Variants in ETV6 observed in about 807,000 individuals in gnomAD.
ETV6 encodes the protein ETS variant transcription factor 6, also known as transcription factor ETV6.
Under a neutral mutation model 51.1 loss-of-function variants are expected in ETV6, and 16 were observed. That is an observed-to-expected ratio of 0.31 (90% confidence interval 0.21 to 0.48). ETV6 has a LOEUF of 0.48. Among genes scored for constraint, ETV6 ranks in the 20% least tolerant of loss-of-function variants. ETV6 has a pLI of 0.99. For synonymous variants in ETV6, 240 were observed against 224.1 expected, an observed-to-expected ratio of 1.07 and a Z score of -0.64; for missense variants, 458 against 594.8, an observed-to-expected ratio of 0.77 and a Z score of 2.39.
chr12:11,831,223 G>A (rs1385785108), intron 2 of ETV6, among the ~76,000 whole-genome samples: 1 of 152,134 alleles, frequency 6.6e-6, no homozygotes, highest in Non-Finnish European at 1.5e-5. Context: ...GTGTGTGTCT[G>A]TGTGTGTGTT....
intron 4 of ETV6, among the ~76,000 whole-genome samples, chr12:11,866,112 C>G (rs1407875911): frequency 2.0e-5 from 3 of 152,064 alleles, no homozygotes; most frequent in African/African-American, 7.2e-5. Flanking sequence ...CCTTTCTTCT[C>G]TCATCTCCGT....
intron 5 of ETV6, among the ~76,000 whole-genome samples, chr12:11,874,676 GTATATA>G: frequency 3.2e-4 from 1 of 3,100 alleles, no homozygotes; most frequent in Admixed American, 0.011. Flanking sequence ...ATATATGTGT[GTATATA>G]TGTATATGTG....
intron 2 of ETV6, among the ~76,000 whole-genome samples, chr12:11,773,699 G>A (rs996599862): frequency 6.6e-6 from 1 of 152,174 alleles, no homozygotes; most frequent in Non-Finnish European, 1.5e-5. Context: ...GGAAAATGAA[G>A]GCAGTTGAGG....
chr12:11,812,064 C>G (rs1389709526), intron 2 of ETV6, among the ~76,000 whole-genome samples: 1 of 152,188 alleles, frequency 6.6e-6, no homozygotes, highest in Non-Finnish European at 1.5e-5. Context: ...TGGTTTTAGT[C>G]TACCTAAAAT....
intron 4 of ETV6, among the ~76,000 whole-genome samples, chr12:11,860,224 T>C (rs1353617500): frequency 1.3e-5 from 2 of 152,320 alleles, no homozygotes; most frequent in East Asian, 3.9e-4. Context: ...TCACTGGTTG[T>C]AAACCCACTC....
chr12:11,656,764 G>A (rs567815907), intron 1 of ETV6, among the ~76,000 whole-genome samples: 3 of 152,126 alleles, frequency 2.0e-5, no homozygotes, highest in East Asian at 1.9e-4. Context: ...GCCCGGCCTC[G>A]GGCTAGACAC....
intron 1 of ETV6, among the ~76,000 whole-genome samples, chr12:11,724,108 C>G (rs1420431256): frequency 6.6e-6 from 1 of 152,086 alleles, no homozygotes; most frequent in Admixed American, 6.5e-5. Flanking sequence ...TCAAGTACTG[C>G]CCAGTTACAG....
chr12:11,663,621 C>T (rs1190547805), intron 1 of ETV6, among the ~76,000 whole-genome samples: 4 of 152,024 alleles, frequency 2.6e-5, no homozygotes, highest in African/African-American at 9.7e-5. Context: ...GGGCTATGAA[C>T]GGATTGTTAA....
At chr12:11,886,995 A>G (rs1947199350) in intron 7 of ETV6, among the ~76,000 whole-genome samples, 1 of 152,206 alleles carries the variant, frequency 6.6e-6, no homozygotes, top group African/African-American at 2.4e-5. Context: ...GTATGAACAG[A>G]TGAGCTCACT....
intron 2 of ETV6, among the ~76,000 whole-genome samples, chr12:11,785,251 C>T (rs1945469445): frequency 6.6e-6 from 1 of 152,052 alleles, no homozygotes; most frequent in Admixed American, 6.5e-5. Flanking sequence ...TTGCTGACCT[C>T]GCTCGCTGGG....
chr12:11,707,675 G>A (rs896924735), intron 1 of ETV6, among the ~76,000 whole-genome samples: 7 of 152,088 alleles, frequency 4.6e-5, no homozygotes, highest in East Asian at 1.9e-4. Context: ...GATTCTAATC[G>A]GGACCTTTCT....
intron 3 of ETV6, chr12:11,840,462 C>T (rs1416612808): frequency 2.2e-6 from 1 of 456,096 alleles, no homozygotes; most frequent in African/African-American, 2.0e-5. Flanking sequence ...CCACTGCAGA[C>T]CTCGACTCTG....
At chr12:11,733,407 C>CAAAAAAAAAAAAAAAAAAAAAAAAAAAA (rs11394100) in intron 1 of ETV6, among the ~76,000 whole-genome samples, 1 of 101,078 alleles carries the variant, frequency 9.9e-6, no homozygotes, top group African/African-American at 4.8e-5. Flanking sequence ...GACTCCATCT[C>CAAAAAAAAAAAAAAAAAAAAAAAAAAAA]AAAAAAAAAA....
intron 2 of ETV6, among the ~76,000 whole-genome samples, chr12:11,777,222 A>G (rs993866788): frequency 1.3e-4 from 17 of 135,492 alleles, no homozygotes; most frequent in Non-Finnish European, 2.5e-4. Flanking sequence ...CCTGGGTGAC[A>G]GAGTGAGACT....
intron 1 of ETV6, among the ~76,000 whole-genome samples, chr12:11,694,146 A>G (rs1015476142): frequency 6.6e-6 from 1 of 152,226 alleles, no homozygotes. Flanking sequence ...CAACCTTATT[A>G]GAGATCTAAT....
At chr12:11,690,347 A>AT (rs965221016) in intron 1 of ETV6, among the ~76,000 whole-genome samples, 15 of 151,870 alleles carry the variant, frequency 9.9e-5, no homozygotes, top group South Asian at 4.2e-4. Flanking sequence ...TTGTAGTTTC[A>AT]TTTTTTTGTT....
At chr12:11,800,599 G>T (rs753289313) in intron 2 of ETV6, among the ~76,000 whole-genome samples, 19 of 152,078 alleles carry the variant, frequency 1.2e-4, no homozygotes, top group Non-Finnish European at 2.8e-4. Context: ...TCAACTTTTA[G>T]ATTCCACATG....
intron 1 of ETV6, among the ~76,000 whole-genome samples, chr12:11,680,559 G>A (rs1864505621): frequency 6.6e-6 from 1 of 152,180 alleles, no homozygotes; most frequent in African/African-American, 2.4e-5. Context: ...TTTTCTTACA[G>A]CCAAGGATTA....
At chr12:11,786,218 ATTT>A in intron 2 of ETV6, among the ~76,000 whole-genome samples, 1 of 151,956 alleles carries the variant, frequency 6.6e-6, no homozygotes, top group South Asian at 2.1e-4. Flanking sequence ...TGACGCCATC[ATTT>A]CTGGTCTTTT....
Sources: gnomAD v4.1 joint callset for allele counts (sites outside exome capture counted in the v4.1 genomes callset) on GRCh38, gnomAD v4.1.1 for gene constraint, MANE v1.5 for transcripts, NCBI Gene and HGNC (gene_info 2026-07-23, HGNC 2026-07-21) for gene names.